The following PDPR variants were observed in gnomAD, a reference collection of about 807,000 sequenced individuals.
The protein encoded by PDPR is pyruvate dehydrogenase phosphatase regulatory subunit, mitochondrial.
In PDPR, 50 loss-of-function variants were observed where a neutral mutation model predicts 102.2. The ratio of observed to expected loss-of-function variants is 0.49; its 90% CI spans 0.39 to 0.62. The LOEUF (loss-of-function observed/expected upper bound fraction) is 0.62. PDPR is among the 20% of genes least tolerant of loss of function. The pLI, the probability that PDPR is intolerant of heterozygous loss-of-function variation, is 0.00. For synonymous variants in PDPR, 259 were observed against 406.0 expected (o/e 0.64, Z 4.35); for missense variants, 625 against 1,098.2 (o/e 0.57, Z 6.09).
In PDPR at chr16:70,161,438, GTTC is replaced by G. The variant is rs1967782936; in HGVS notation, c.*4560_*4562del. ...GCAGTATTAACACAGTATAAAGAAT[GTTC>G]ACCTTGCATATGTCATTTCAGGCAC... On this transcript the variant is annotated 3_prime_UTR_variant, in exon 19 of 19. Coordinates refer to ENST00000288050, the MANE Select transcript of PDPR (RefSeq NM_017990.5). The G allele has an allele frequency of 2.0e-5, 3 of 152,708 alleles. No individual in the cohort carries two copies. The highest frequency in any genetic ancestry group is 7.2e-5 in the African/African-American group (3 of 41,466). The allele number at this position is 152,708 out of a possible 1,614,324, so 9.5% of individuals were successfully genotyped here. A position where few individuals can be genotyped will look rare whatever the true frequency, so the allele number is the denominator to read the frequency against.
At chr16:70,150,990 A>G (rs1383036973) in intron 17 of PDPR, among the ~76,000 whole-genome samples, 2 of 152,184 alleles carry the variant, frequency 1.3e-5, no homozygotes, top group Non-Finnish European at 2.9e-5. Flanking sequence ...GCTGGAGTGT[A>G]GTGGCATGAT....
chr16:70,138,036 C>CCCT (rs1965328661), intron 10 of PDPR, among the ~76,000 whole-genome samples: 1 of 109,936 alleles, frequency 9.1e-6, no homozygotes, highest in African/African-American at 4.2e-5. Flanking sequence ...CCATACCCAG[C>CCCT]TCTTTTTTTT....
chr16:70,156,317 T>C, intron 18 of PDPR, 158 bp from the exon 19 acceptor site: 2 of 846,816 alleles, frequency 2.4e-6, no homozygotes, highest in Non-Finnish European at 3.6e-6. Context: ...GTTTTTCACA[T>C]GGTAGAAATC....
At chr16:70,154,215 C>T (rs1966874651) in intron 18 of PDPR, among the ~76,000 whole-genome samples, 1 of 152,210 alleles carries the variant, frequency 6.6e-6, no homozygotes, top group Admixed American at 6.5e-5. Flanking sequence ...GTAGTTCCAG[C>T]TACTCGGGAG....
At chr16:70,123,850 C>A (rs765021076) in intron 3 of PDPR, among the ~76,000 whole-genome samples, 1 of 152,204 alleles carries the variant, frequency 6.6e-6, no homozygotes, top group Non-Finnish European at 1.5e-5. Flanking sequence ...ATCAGGAGTT[C>A]GAGACCAGCT....
At chr16:70,125,125 C>A (rs1463090483) in intron 3 of PDPR, among the ~76,000 whole-genome samples, 2 of 152,178 alleles carry the variant, frequency 1.3e-5, no homozygotes, top group Admixed American at 1.3e-4. Flanking sequence ...GCCGGTAATC[C>A]CAGCACTTTG....
At position 70,160,606 on chromosome 16, in the gene PDPR, C is replaced by G. The variant is rs71399997; in HGVS notation, c.*3727C>G. The G allele has an allele frequency of 6.6e-6, 1 of 152,556 alleles. No individual in the cohort carries two copies. Among genetic ancestry groups the G allele is most frequent in the Non-Finnish European group, 1.5e-5 (1 of 68,258 alleles). 9.5% of individuals were successfully genotyped at this position (152,556 alleles called of 1,614,324 possible). A position where few individuals can be genotyped will look rare whatever the true frequency, so the allele number is the denominator to read the frequency against. ...TCCTGTTTGGTTCTCACTGGGAGGC[C>G]CACTGGCCTTGGATCATCTCCTCAT... is the stretch of plus-strand genomic sequence containing the variant. On this transcript the variant is annotated 3_prime_UTR_variant, in exon 19 of 19. Coordinates refer to ENST00000288050, the MANE Select transcript of PDPR (RefSeq NM_017990.5).
rs750274462 is a variant in PDPR, at chr16:70,153,402, T to C, written c.2064T>C (p.His688=). The change falls in exon 18 of 19, where the codon CAT becomes CAC. Residue 688 remains histidine, a synonymous_variant. Coordinates refer to ENST00000288050, the MANE Select transcript of PDPR (RefSeq NM_017990.5). ...MLYIPIEYAL[H]VYNEVMSVGQ... ...GTCTCTTCCTATAGTACGCCCTGCA[T>C]GTATACAATGAAGTGATGAGTGTTG... 6.2e-5 allele frequency: 100 copies of C among 1,613,356 alleles called. No individual in the cohort carries two copies. The highest frequency in any genetic ancestry group is 7.8e-5 in the Non-Finnish European group (92 of 1,179,642).
At chr16:70,122,111 C>T (rs1333607824) in intron 3 of PDPR, among the ~76,000 whole-genome samples, 4 of 152,254 alleles carry the variant, frequency 2.6e-5, no homozygotes, top group Non-Finnish European at 4.4e-5. Flanking sequence ...CTCAGCCTCC[C>T]GAGTTGCTGG....
intron 17 of PDPR, among the ~76,000 whole-genome samples, chr16:70,149,032 C>A (rs1966483591): frequency 6.6e-6 from 1 of 151,502 alleles, no homozygotes; most frequent in Admixed American, 6.6e-5. Flanking sequence ...GTAGCTGGGA[C>A]TGTAGGCATG....
rs1263192563 is a variant in PDPR, at chr16:70,159,724, CAG to C, written c.*2848_*2849del. On this transcript the variant is annotated 3_prime_UTR_variant, in exon 19 of 19. Coordinates refer to ENST00000288050, the MANE Select transcript of PDPR (RefSeq NM_017990.5). ...CTTCCTGACCACCGGTGTCAGATAT[CAG>C]AGCATTCTGGACTCCTGAGAGGCAG... The C allele has an allele frequency of 1.3e-5, 2 of 152,790 alleles. No individual in the cohort carries two copies. The highest frequency in any genetic ancestry group is 2.9e-5 in the Non-Finnish European group (2 of 68,452). 9.5% of individuals were successfully genotyped at this position (152,790 alleles called of 1,614,324 possible).
rs928883322 is a variant in PDPR at position 70,159,068 on chromosome 16, T to C, written c.*2189T>C. On this transcript the variant is annotated 3_prime_UTR_variant, in exon 19 of 19. Transcript: ENST00000288050. ...GCTGTCTCCATAGTTTAAAATCGAA[T>C]AGTGCCATCATCACAGTATATTAGT... The C allele has an allele frequency of 6.6e-6, 1 of 152,366 alleles. No individual in the cohort carries two copies. Among genetic ancestry groups the C allele is most frequent in the South Asian group, 2.1e-4 (1 of 4,840 alleles). The allele number at this position is 152,366 out of a possible 1,614,324, so 9.4% of individuals were successfully genotyped here. A position where few individuals can be genotyped will look rare whatever the true frequency, so the allele number is the denominator to read the frequency against.
intron 16 of PDPR, among the ~76,000 whole-genome samples, chr16:70,146,864 C>CAAA (rs1202287694): frequency 9.3e-4 from 53 of 57,264 alleles, no homozygotes; most frequent in Non-Finnish European, 1.5e-3. Flanking sequence ...AAGACTGTCT[C>CAAA]AAAAAAAAAA....
intron 6 of PDPR, among the ~76,000 whole-genome samples, chr16:70,129,348 A>G (rs546860461): frequency 6.6e-6 from 1 of 152,262 alleles, no homozygotes; most frequent in African/African-American, 2.4e-5. Flanking sequence ...GTGCTAATTA[A>G]TGCCCCTTTT....
chr16:70,155,770 T>C (rs1334782296), intron 18 of PDPR, among the ~76,000 whole-genome samples: 1 of 152,158 alleles, frequency 6.6e-6, no homozygotes, highest in African/African-American at 2.4e-5. Context: ...AATATAGATG[T>C]GCATGGTCTT....
At chr16:70,149,530 T>C (rs1395946321) in intron 17 of PDPR, among the ~76,000 whole-genome samples, 1 of 152,230 alleles carries the variant, frequency 6.6e-6, no homozygotes, top group Non-Finnish European at 1.5e-5. Flanking sequence ...CCTCCCAAAG[T>C]GCTGGGATTA....
intron 13 of PDPR, 70 bp downstream of exon 13, chr16:70,142,756 T>C: frequency 6.2e-7 from 1 of 1,600,038 alleles, no homozygotes; most frequent in South Asian, 1.1e-5. Flanking sequence ...CTTTTGTTTT[T>C]CATCTTCAAA....
chr16:70,129,571 A>C (rs7203526), intron 6 of PDPR, among the ~76,000 whole-genome samples: 4,922 of 151,418 alleles, frequency 0.033, 78 homozygotes, highest in African/African-American at 0.11. Context: ...CTGGTCTTGA[A>C]CTCCTGACCT....
intron 3 of PDPR, among the ~76,000 whole-genome samples, chr16:70,122,556 G>T (rs1270221342): frequency 2.0e-5 from 3 of 152,264 alleles, no homozygotes; most frequent in Non-Finnish European, 2.9e-5. Context: ...CAGTTACATT[G>T]GTGTCCTCCA....
Sources: allele counts gnomAD v4.1 joint callset (sites outside exome capture counted in the v4.1 genomes callset), GRCh38; gene constraint gnomAD v4.1.1; transcripts MANE v1.5; gene names NCBI Gene and HGNC (gene_info 2026-07-23, HGNC 2026-07-21).